Variants in IFIH1 observed in about 807,000 individuals in gnomAD.
The protein encoded by IFIH1 is interferon induced with helicase C domain 1.
A neutral mutation model predicts 107.4 loss-of-function variants in IFIH1; 125 were observed. The observed-to-expected ratio is 1.16, with a 90% CI of 1.01 to 1.35. IFIH1 has a LOEUF of 1.35. Among genes scored for constraint, IFIH1 ranks in the 40% most tolerant of loss-of-function variants. The pLI, the probability that IFIH1 is intolerant of heterozygous loss-of-function variation, is 0.00. For synonymous variants in IFIH1, 458 were observed against 413.2 expected (o/e 1.11, Z -1.31); for missense variants, 1,333 against 1,213.7 (o/e 1.10, Z -1.46).
At chr2:162,289,836 T>A (rs1490785637) in intron 4 of IFIH1, among the ~76,000 whole-genome samples, 1 of 151,958 alleles carries the variant, frequency 6.6e-6, no homozygotes, top group Non-Finnish European at 1.5e-5. Context: ...TCATTTAAAA[T>A]CACCAGCATT....
intron 6 of IFIH1, among the ~76,000 whole-genome samples, chr2:162,281,886 T>C (rs909855553): frequency 1.3e-5 from 2 of 152,064 alleles, no homozygotes; most frequent in Non-Finnish European, 2.9e-5. Context: ...TAATAAAATA[T>C]TTAATTTTAG....
intron 4 of IFIH1, among the ~76,000 whole-genome samples, chr2:162,288,814 C>T (rs1230469440): frequency 6.6e-6 from 1 of 151,694 alleles, no homozygotes; most frequent in Admixed American, 6.6e-5. Context: ...ATTAGTCCTC[C>T]CAATTCCGTA....
At chr2:162,307,731 G>A (rs1683312325) in intron 2 of IFIH1, among the ~76,000 whole-genome samples, 1 of 152,084 alleles carries the variant, frequency 6.6e-6, no homozygotes, top group Non-Finnish European at 1.5e-5. Flanking sequence ...ACTTTGTATG[G>A]AAAATTTCCT....
At position 162,280,035 on chromosome 2, in the gene IFIH1, CTCCTGTATTTGGT is replaced by C. The variant is rs757480497; in HGVS notation, c.1589_1601del (p.Asn530SerfsTer22). 1 of 1,611,066 alleles carries C rather than the reference CTCCTGTATTTGGT, an allele frequency of 6.2e-7. No individual in the cohort carries two copies. The highest frequency in any genetic ancestry group is 2.2e-5 in the East Asian group (1 of 44,804). On this transcript the variant is annotated frameshift_variant, in exon 8 of 16. Transcript: ENST00000649979. LOFTEE classifies it high-confidence loss of function. ...CTGCAATGGCAAACTTCTTGCATGG[CTCCTGTATTTGGT>C]TTTTCAGTTGATCAAGGTTTTCTTT... is the stretch of plus-strand genomic sequence containing the variant.
Position 162,282,471 on chromosome 2 carries a change from G to A in IFIH1, c.1201C>T (p.Pro401Ser). The change falls in exon 6 of 16, where the codon CCA (proline) becomes TCA (serine). Residue 401 changes from proline to serine, a missense_variant. Pro to Ser is a moderately conservative substitution (Grantham distance 74). Coordinates refer to ENST00000649979, the MANE Select transcript of IFIH1 (RefSeq NM_022168.4). ...ATATCACAGGACTTGACAACTTCTG[G>A]AAATGATATTTTCAGTTGGGTATCA... ...SGDTQLKISF[P>S]EVVKSCDIII... 6.2e-7 allele frequency: 1 copy of A among 1,609,930 alleles called. No individual in the cohort carries two copies. The highest frequency in any genetic ancestry group is 8.5e-7 in the Non-Finnish European group (1 of 1,176,824).
intron 6 of IFIH1, among the ~76,000 whole-genome samples, 189 bp downstream of exon 6, chr2:162,282,177 T>G (rs115921156): frequency 6.6e-6 from 1 of 151,992 alleles, no homozygotes; most frequent in Admixed American, 6.6e-5. Flanking sequence ...GGTATTCTTA[T>G]GCAGAATAAA....
chr2:162,292,002 TTA>T (rs1399798157), intron 4 of IFIH1, among the ~76,000 whole-genome samples: 2 of 151,874 alleles, frequency 1.3e-5, no homozygotes, highest in African/African-American at 2.4e-5. Context: ...GCGTTCAGAC[TTA>T]TCATGTGTTT....
chr2:162,298,475 G>T (rs1683134359), intron 3 of IFIH1, among the ~76,000 whole-genome samples: 1 of 152,154 alleles, frequency 6.6e-6, no homozygotes, highest in Middle Eastern at 3.4e-3. Context: ...ACTTTTCATG[G>T]TAATTTCATG....
In IFIH1 at chr2:162,277,497, A is replaced by AGAGG. The variant is rs1425006913; in HGVS notation, c.1961_1962insCCTC (p.Asp655LeufsTer2). The AGAGG allele has an allele frequency of 6.3e-7, 1 of 1,590,824 alleles. No homozygotes were observed. Among genetic ancestry groups the AGAGG allele is most frequent in the East Asian group, 2.2e-5 (1 of 44,684 alleles). On this transcript the variant is annotated frameshift_variant, in exon 10 of 16. Transcript: ENST00000649979. LOFTEE classifies it high-confidence loss of function. ...AATCATCCTCATCTTCATCACCATC[A>AGAGG]CAATACTCATCATCACCACCCTCAT...
At chr2:162,312,281 T>A (rs1464741372) in intron 1 of IFIH1, among the ~76,000 whole-genome samples, 1 of 152,204 alleles carries the variant, frequency 6.6e-6, no homozygotes, top group Non-Finnish European at 1.5e-5. Context: ...ACATACAGCA[T>A]GGTCTCTACC....
At chr2:162,298,736 A>C (rs966631733) in intron 3 of IFIH1, among the ~76,000 whole-genome samples, 1 of 151,922 alleles carries the variant, frequency 6.6e-6, no homozygotes, top group African/African-American at 2.4e-5. Context: ...GAAATAGATC[A>C]CTTTTATTTT....
intron 11 of IFIH1, among the ~76,000 whole-genome samples, chr2:162,274,379 C>T (rs1691110090): frequency 6.6e-6 from 1 of 152,098 alleles, no homozygotes; most frequent in African/African-American, 2.4e-5. Flanking sequence ...TTTTCAGTCA[C>T]AGAGAAAATG....
chr2:162,279,018 G>A (rs1369971380), intron 8 of IFIH1, among the ~76,000 whole-genome samples: 1 of 151,966 alleles, frequency 6.6e-6, no homozygotes, highest in Non-Finnish European at 1.5e-5. Context: ...TGTATGTTAT[G>A]CTTCAAGGTA....
chr2:162,298,669 T>C (rs1008130232), intron 3 of IFIH1, among the ~76,000 whole-genome samples: 1 of 152,160 alleles, frequency 6.6e-6, no homozygotes, highest in African/African-American at 2.4e-5. Context: ...CTTACACTCA[T>C]ACTGCTAATA....
intron 1 of IFIH1, among the ~76,000 whole-genome samples, chr2:162,314,416 T>TTTCTTTCTTTCTTTCTTTTCTTTC (rs71009355): frequency 1.9e-5 from 1 of 51,468 alleles, no homozygotes; most frequent in African/African-American, 1.2e-4. Flanking sequence ...TCTTTCTTTC[T>TTTCTTTCTTTCTTTCTTTTCTTTC]TTTCTTTCTT....
Position 162,277,427 on chromosome 2 carries a change from T to A in IFIH1, c.2032A>T (p.Thr678Ser), listed in dbSNP as rs1463172008. The A allele has an allele frequency of 6.2e-7, 1 of 1,607,738 alleles. No homozygotes were observed. The highest frequency in any genetic ancestry group is 1.1e-5 in the South Asian group (1 of 90,512). The change falls in exon 10 of 16, where the codon ACT (threonine) becomes TCT (serine). Residue 678 changes from threonine to serine, a missense_variant. Thr to Ser is a moderately conservative substitution (Grantham distance 58). Transcript: ENST00000649979. Reference protein sequence around the residue: ...KLDETDRFLMTLFFENNKMLK... With the variant: ...KLDETDRFLMSLFFENNKMLK... ...CTTTGAATCTTACCAAAAAATAAAG[T>A]CATGAGAAATCTATCTGTTTCATCC...
intron 3 of IFIH1, 72 bp from the exon 4 acceptor site, chr2:162,293,740 T>G: frequency 1.1e-6 from 1 of 903,052 alleles, no homozygotes; most frequent in Non-Finnish European, 1.8e-6. Flanking sequence ...TGCACACCTC[T>G]ACAGCACACA....
rs781538790 is a variant in IFIH1, at chr2:162,293,771, G to A, written c.770-103C>T. ...ACACAGTACATACAGTTCAATTCAA[G>A]TGGGGAAGGCACACCCAGACAATTA... is the stretch of plus-strand genomic sequence containing the variant. On this transcript the variant is annotated intron_variant, in intron 3 of 15. Coordinates refer to ENST00000649979, the MANE Select transcript of IFIH1 (RefSeq NM_022168.4). 334 of 642,776 alleles carry A rather than the reference G, an allele frequency of 5.2e-4. 3 individuals carry two copies. The highest frequency in any genetic ancestry group is 3.0e-3 in the Middle Eastern group (9 of 2,962). 39.8% of individuals were successfully genotyped at this position (642,776 alleles called of 1,614,324 possible).
rs372817657 is a variant in IFIH1, at chr2:162,272,359, C to A, written c.2483G>T (p.Ser828Ile). The change falls in exon 13 of 16, where the codon AGC becomes ATC. Residue 828 changes from serine (S) to isoleucine (I), a missense_variant. Ser to Ile is a moderately radical substitution (Grantham distance 142). Coordinates refer to ENST00000649979, the MANE Select transcript of IFIH1 (RefSeq NM_022168.4). ...QARGRARADE[S>I]TYVLVAHSGS... ...ACTGTGAGCAACCAGGACGTAGGTGCTCTCATCAGCTCTGGCTCGACCACG... is the reference window on the plus strand; with the variant it reads ...ACTGTGAGCAACCAGGACGTAGGTGATCTCATCAGCTCTGGCTCGACCACG... 3 of 1,613,316 alleles carry A rather than the reference C, an allele frequency of 1.9e-6. No homozygotes were observed. The highest frequency in any genetic ancestry group is 2.5e-6 in the Non-Finnish European group (3 of 1,179,514).
Sources: allele counts gnomAD v4.1 joint callset (sites outside exome capture counted in the v4.1 genomes callset), GRCh38; gene constraint gnomAD v4.1.1; transcripts MANE v1.5; gene names NCBI Gene and HGNC (gene_info 2026-07-23, HGNC 2026-07-21).